PCDH7: variants seen among roughly 807,000 people sequenced by gnomAD.
PCDH7 encodes protocadherin 7.
A neutral mutation model predicts 58.9 loss-of-function variants in PCDH7; 17 were observed. The observed-to-expected ratio is 0.29, with a 90% CI of 0.20 to 0.43. The LOEUF (loss-of-function observed/expected upper bound fraction) is 0.43. Among genes scored for constraint, PCDH7 ranks in the 20% least tolerant of loss-of-function variants. PCDH7 has a pLI of 1.00. For missense variants in PCDH7, 1,274 were observed against 1,441.0 expected (o/e 0.88, Z 1.88); for synonymous variants, 664 against 616.4 (o/e 1.08, Z -1.14).
intron 1 of PCDH7, among the ~76,000 whole-genome samples, chr4:30,768,310 G>GTATGCATACATCTTCCAAGTAA (rs1720999396): frequency 1.3e-5 from 2 of 152,192 alleles, no homozygotes; most frequent in Non-Finnish European, 2.9e-5. Context: ...CTTCCAAGTA[G>GTATGCATACATCTTCCAAGTAA]TATGCATACA....
rs544561555 is a variant in PCDH7 at position 30,763,783 on chromosome 4, C to T, written c.70+39187C>T. Among the ~76,000 whole-genome samples, 18 of 152,246 alleles carry T rather than the reference C, an allele frequency of 1.2e-4. 1 individual carries two copies. In the East Asian group the frequency reaches 3.1e-3, roughly 26 times the overall value. On this transcript the variant is annotated intron_variant, in intron 1 of 3. Coordinates refer to the PCDH7 transcript ENST00000509759. ...GTTCACATCCTAGTCGTTTGTGTAT[C>T]GTCTTCCGTTTCTTCTTACTTTACT...
chr4:30,977,994 T>G (rs1359468652), intron 3 of PCDH7, among the ~76,000 whole-genome samples: 2 of 152,300 alleles, frequency 1.3e-5, no homozygotes, highest in East Asian at 1.9e-4. Context: ...TCAGCTGGTT[T>G]TTTTCTTCCA....
rs1754860630 is a variant in PCDH7, at chr4:31,030,951, C to G, written c.*7+80736C>G. 2.0e-5 allele frequency among the ~76,000 whole-genome samples: 3 copies of G among 152,136 alleles called. No individual in the cohort carries two copies. In the South Asian group the frequency reaches 6.2e-4, roughly 32 times the overall value. Reference sequence around the variant, plus strand: ...TGTAGGGCATTTTCCCAAGAAAGCTCTCTTGAAGATACTGAGGCAGAAAAT... The same window carrying G: ...TGTAGGGCATTTTCCCAAGAAAGCTGTCTTGAAGATACTGAGGCAGAAAAT... On this transcript the variant is annotated intron_variant, in intron 3 of 3. Coordinates refer to the PCDH7 transcript ENST00000509759.
chr4:30,946,527 T>C (rs1279922897), intron 2 of PCDH7, among the ~76,000 whole-genome samples: 1 of 23,814 alleles, frequency 4.2e-5, no homozygotes, highest in African/African-American at 1.1e-4. Context: ...TTCCATAAAC[T>C]TTTTTTTTTC....
intron 3 of PCDH7, among the ~76,000 whole-genome samples, chr4:30,978,878 G>C (rs1005833491): frequency 1.3e-5 from 2 of 151,898 alleles, no homozygotes; most frequent in Non-Finnish European, 2.9e-5. Flanking sequence ...GTAAAATAAG[G>C]GGATTATAAT....
chr4:31,056,561 A>C (rs1366003691), intron 3 of PCDH7, among the ~76,000 whole-genome samples: 1 of 148,494 alleles, frequency 6.7e-6, no homozygotes, highest in Non-Finnish European at 1.5e-5. Context: ...AGAGAGAGGA[A>C]GGGAAGGGAA....
At chr4:30,930,170 G>A (rs1304745121) in intron 2 of PCDH7, among the ~76,000 whole-genome samples, 2 of 152,146 alleles carry the variant, frequency 1.3e-5, no homozygotes, top group Non-Finnish European at 2.9e-5. Context: ...GGACTTGAGT[G>A]TGGGTTACAA....
intron 3 of PCDH7, among the ~76,000 whole-genome samples, chr4:31,107,447 A>G (rs935085695): frequency 2.0e-5 from 3 of 152,212 alleles, no homozygotes; most frequent in Admixed American, 2.0e-4. Context: ...CAGTTTTGAT[A>G]ATTATAATGA....
At chr4:31,019,378 T>G (rs1753849258) in intron 3 of PCDH7, among the ~76,000 whole-genome samples, 1 of 152,160 alleles carries the variant, frequency 6.6e-6, no homozygotes, top group Non-Finnish European at 1.5e-5. Flanking sequence ...GCCACATGTC[T>G]GGGCCAGGGG....
chr4:30,724,675 T>A, intron 1 of PCDH7, 79 bp downstream of exon 1: 1 of 1,496,172 alleles, frequency 6.7e-7, no homozygotes, highest in Non-Finnish European at 8.9e-7. Context: ...TGTAAAGTTT[T>A]GTCTTCTCGT....
Position 30,722,766 on chromosome 4 carries a change from C to A in PCDH7, c.1344C>A (p.Ser448=), listed in dbSNP as rs187295354. 159 of 1,613,512 alleles carry A rather than the reference C, an allele frequency of 9.9e-5. 1 individual carries two copies. The East Asian group carries it at 2.7e-3, about 27-fold the overall frequency. Residue 448 remains serine (S), a synonymous_variant, in exon 1 of 2, where the codon TCC becomes TCA. Transcript: ENST00000361762. This position sits in a 1 kb window ranked among gnomAD's most constrained non-coding sequence, Gnocchi z 7.6. Reference sequence around the variant, plus strand: ...CCCCCATCGCTCTGGTGCAGGTGTCCGACCGAGACCAAGGCGAGAACGGGG... The same window carrying A: ...CCCCCATCGCTCTGGTGCAGGTGTCAGACCGAGACCAAGGCGAGAACGGGG...
At chr4:31,074,784 C>CAAAAAAAAAAAAAAAAAAAAAA (rs1157267696) in intron 3 of PCDH7, among the ~76,000 whole-genome samples, 14 of 52,466 alleles carry the variant, frequency 2.7e-4, no homozygotes, top group East Asian at 1.0e-3. Context: ...GATTCCGTCT[C>CAAAAAAAAAAAAAAAAAAAAAA]AAAAAAAAAA....
chr4:30,794,712 GT>G (rs1389478224), intron 1 of PCDH7, among the ~76,000 whole-genome samples: 2 of 151,622 alleles, frequency 1.3e-5, no homozygotes, highest in Non-Finnish European at 2.9e-5. Context: ...GACATACAAA[GT>G]ATCTAAAAAT....
chr4:31,090,178 T>C (rs2109283180), intron 3 of PCDH7, among the ~76,000 whole-genome samples: 1 of 152,180 alleles, frequency 6.6e-6, no homozygotes, highest in South Asian at 2.1e-4. Flanking sequence ...GTAGGCCTAA[T>C]GAGAGAGGAT....
At chr4:30,967,549 G>A (rs147750137) in intron 3 of PCDH7, among the ~76,000 whole-genome samples, 4 of 152,068 alleles carry the variant, frequency 2.6e-5, no homozygotes, top group South Asian at 2.1e-4. Context: ...ACTGAAGTGC[G>A]CTCTCAACAG....
At chr4:31,141,172 GA>G (rs1454295613) in intron 3 of PCDH7, among the ~76,000 whole-genome samples, 2 of 152,222 alleles carry the variant, frequency 1.3e-5, no homozygotes, top group Non-Finnish European at 2.9e-5. Flanking sequence ...AGCAAAAGCA[GA>G]AAGTGTACAT....
chr4:31,074,979 C>G (rs529917541), intron 3 of PCDH7, among the ~76,000 whole-genome samples: 1 of 151,852 alleles, frequency 6.6e-6, no homozygotes, highest in South Asian at 2.1e-4. Context: ...TCCTTCTAAT[C>G]TACAAAGTAC....
rs531175904 is a variant in PCDH7, at chr4:30,815,539, G to A, written c.70+90943G>A. Among the ~76,000 whole-genome samples the A allele has an allele frequency of 3.9e-5, 6 of 152,158 alleles. No individual in the cohort carries two copies. The South Asian group carries it at 1.2e-3, about 32-fold the overall frequency. On this transcript the variant is annotated intron_variant, in intron 1 of 3. Coordinates refer to the PCDH7 transcript ENST00000509759. ...TTTCTCCTGATTCTTCCCTTGGAGC[G>A]GGCTGTCCACATGCCTGTGGCCTGC...
At chr4:30,841,547 A>T (rs1219593044) in intron 1 of PCDH7, among the ~76,000 whole-genome samples, 1 of 152,096 alleles carries the variant, frequency 6.6e-6, no homozygotes, top group Non-Finnish European at 1.5e-5. Context: ...TGTTTTTCTG[A>T]CGTGATGTGA....
Sources: gnomAD v4.1 joint callset for allele counts (sites outside exome capture counted in the v4.1 genomes callset) on GRCh38, gnomAD v4.1.1 for gene constraint, Gnocchi (gnomAD v3.1) non-coding constraint, MANE v1.5 for transcripts, NCBI Gene and HGNC (gene_info 2026-07-23, HGNC 2026-07-21) for gene names.